The following FBXO34 variants were observed in gnomAD, a reference collection of about 807,000 sequenced individuals.
FBXO34 encodes F-box only protein 34.
Under a neutral mutation model 24.5 loss-of-function variants are expected in FBXO34, and 12 were observed. That is an observed-to-expected ratio of 0.49 (90% CI 0.31 to 0.79). FBXO34 has a LOEUF of 0.79. Among genes scored for constraint, FBXO34 ranks in the 30% least tolerant of loss-of-function variants. FBXO34 has a pLI of 0.04. For missense variants in FBXO34, 823 were observed against 857.7 expected, an observed-to-expected ratio of 0.96 and a Z score of 0.51; for synonymous variants, 320 against 311.9, an observed-to-expected ratio of 1.03 and a Z score of -0.27.
chr14:55,305,544 A>G (rs1882512929), intron 1 of FBXO34, among the ~76,000 whole-genome samples: 2 of 152,088 alleles, frequency 1.3e-5, no homozygotes, highest in Non-Finnish European at 1.5e-5. Context: ...AAAAATACAA[A>G]AATTAGCCAG....
the FBXO34 span, chr14:55,381,924 C>G: frequency 6.4e-7 from 1 of 1,552,494 alleles, no homozygotes; most frequent in African/African-American, 1.4e-5. Flanking sequence ...CTATAACTCT[C>G]TCTATATATA....
intron 1 of FBXO34, among the ~76,000 whole-genome samples, chr14:55,275,192 C>T (rs1332015066): frequency 6.6e-6 from 1 of 152,178 alleles, no homozygotes; most frequent in Admixed American, 6.5e-5. Context: ...TTCCCACCTC[C>T]ATCTTCTAGT....
chr14:55,440,390 C>A, the FBXO34 span: 2 of 1,613,002 alleles, frequency 1.2e-6, no homozygotes, highest in Non-Finnish European at 1.7e-6. Flanking sequence ...GTGGCGGCAG[C>A]CTCACCTGAG....
intron 1 of FBXO34, among the ~76,000 whole-genome samples, chr14:55,313,391 A>G (rs1236597806): frequency 6.6e-6 from 1 of 152,146 alleles, no homozygotes; most frequent in Admixed American, 6.5e-5. Flanking sequence ...ACTTTCCCAC[A>G]TCTTCATGTC....
chr14:55,288,097 A>G (rs1377313042), intron 1 of FBXO34, among the ~76,000 whole-genome samples: 1 of 152,168 alleles, frequency 6.6e-6, no homozygotes, highest in Non-Finnish European at 1.5e-5. Flanking sequence ...GGAGGTATAA[A>G]TGATGTCTCC....
the FBXO34 span, chr14:55,440,677 C>G: frequency 6.5e-4 from 685 of 1,061,786 alleles, no homozygotes; most frequent in Non-Finnish European, 8.5e-4. Context: ...CGCTGGGAAG[C>G]GGAGATGGGC....
chr14:55,433,082 C>T, the FBXO34 span, among the ~76,000 whole-genome samples: 17 of 152,068 alleles, frequency 1.1e-4, no homozygotes, highest in African/African-American at 3.9e-4. Context: ...CAGTTAAGTC[C>T]CCTCGGTTTA....
intron 1 of FBXO34, among the ~76,000 whole-genome samples, chr14:55,290,412 T>G: frequency 6.6e-6 from 1 of 151,584 alleles, no homozygotes; most frequent in Non-Finnish European, 1.5e-5. Flanking sequence ...ATAAATAAAA[T>G]AAATAAATTA....
intron 1 of FBXO34, among the ~76,000 whole-genome samples, chr14:55,324,499 A>G (rs909345791): frequency 2.0e-5 from 3 of 149,032 alleles, no homozygotes; most frequent in Non-Finnish European, 4.5e-5. Flanking sequence ...TTTAATGTTG[A>G]TGTTTTATCT....
the FBXO34 span, among the ~76,000 whole-genome samples, chr14:55,376,733 A>T: frequency 6.6e-6 from 1 of 152,154 alleles, no homozygotes; most frequent in Non-Finnish European, 1.5e-5. Flanking sequence ...CTTTCCCGCC[A>T]TTTGTCTTTT....
chr14:55,351,268 G>C lies in FBXO34; in HGVS notation c.878G>C (p.Arg293Pro). The C allele has an allele frequency of 1.2e-6, 2 of 1,614,176 alleles. No homozygotes were observed. Among genetic ancestry groups the C allele is most frequent in the South Asian group, 1.1e-5 (1 of 91,086 alleles). The change falls in exon 2 of 2, where the codon CGG (arginine) becomes CCG (proline). Residue 293 changes from arginine (R) to proline (P), a missense_variant. By Grantham distance (103) the Arg-to-Pro change is moderately radical. This residue lies in a region of FBXO34 where 693 missense variants were observed against 659.1 expected (regional missense o/e 1.05). Transcript: ENST00000313833. ...AAGTTGGAGTCTGAGTGCCTGAAGC[G>C]GCAGGGCCAGCGTGAGCCTGGGAGC... ...VAKLESECLK[R>P]QGQREPGSLS...
intron 1 of FBXO34, among the ~76,000 whole-genome samples, chr14:55,313,137 G>A (rs1434633841): frequency 1.3e-5 from 2 of 151,968 alleles, no homozygotes; most frequent in Non-Finnish European, 2.9e-5. Context: ...TAAGCTTTGC[G>A]GCGTAAACAT....
intron 1 of FBXO34, among the ~76,000 whole-genome samples, chr14:55,295,519 C>G (rs1301039673): frequency 6.6e-6 from 1 of 151,470 alleles, no homozygotes; most frequent in Non-Finnish European, 1.5e-5. Flanking sequence ...CTCAGCCTCC[C>G]GAGTAGCTGG....
At chr14:55,317,670 C>G (rs1377860863) in intron 1 of FBXO34, among the ~76,000 whole-genome samples, 5 of 152,148 alleles carry the variant, frequency 3.3e-5, no homozygotes, top group Non-Finnish European at 5.9e-5. Flanking sequence ...TAGCTTGAAG[C>G]TGCCATGGTA....
the FBXO34 span, among the ~76,000 whole-genome samples, chr14:55,426,668 G>C: frequency 6.6e-6 from 1 of 151,196 alleles, no homozygotes; most frequent in Middle Eastern, 3.4e-3. Flanking sequence ...AATGAGACTA[G>C]AAATAGAAAG....
At chr14:55,320,495 T>C (rs1274133220) in intron 1 of FBXO34, among the ~76,000 whole-genome samples, 1 of 152,226 alleles carries the variant, frequency 6.6e-6, no homozygotes, top group Non-Finnish European at 1.5e-5. Context: ...CTCACGCCTG[T>C]AATCCCAGCA....
At chr14:55,442,107 T>C in the FBXO34 span, among the ~76,000 whole-genome samples, 1 of 150,858 alleles carries the variant, frequency 6.6e-6, no homozygotes, top group Non-Finnish European at 1.5e-5. Context: ...ATGTACAGAT[T>C]CCCGGGTGTG....
At chr14:55,376,853 G>A in the FBXO34 span, among the ~76,000 whole-genome samples, 2 of 152,172 alleles carry the variant, frequency 1.3e-5, no homozygotes, top group South Asian at 2.1e-4. Flanking sequence ...CAGCACAGGC[G>A]TGCATGGATG....
At chr14:55,312,777 C>G (rs1394306736) in intron 1 of FBXO34, among the ~76,000 whole-genome samples, 1 of 152,246 alleles carries the variant, frequency 6.6e-6, no homozygotes, top group Non-Finnish European at 1.5e-5. Context: ...AGTCTTGAGA[C>G]TGCACAAAGC....
Sources: allele counts gnomAD v4.1 joint callset (sites outside exome capture counted in the v4.1 genomes callset), GRCh38; gene constraint gnomAD v4.1.1; regional missense constraint gnomAD v4.1.1; transcripts MANE v1.5; gene names NCBI Gene and HGNC (gene_info 2026-07-23, HGNC 2026-07-21).